The following NCKAP5 variants were observed in gnomAD, a reference collection of about 807,000 sequenced individuals.
NCKAP5 encodes the protein nck-associated protein 5.
A neutral mutation model predicts 167.0 loss-of-function variants in NCKAP5; 92 were observed. The observed-to-expected ratio is 0.55, with a 90% CI of 0.47 to 0.66. NCKAP5 has a LOEUF of 0.66. Ranked by LOEUF, NCKAP5 falls within the 30% of genes least tolerant of loss-of-function variation. NCKAP5 has a pLI of 0.00. For synonymous variants in NCKAP5, 891 were observed against 877.4 expected, an observed-to-expected ratio of 1.02 and a Z score of -0.27; for missense variants, 2,378 against 2,315.0, an observed-to-expected ratio of 1.03 and a Z score of -0.56.
intron 19 of NCKAP5, among the ~76,000 whole-genome samples, chr2:132,716,833 A>G (rs527442447): frequency 1.3e-4 from 20 of 152,322 alleles, no homozygotes; most frequent in Non-Finnish European, 2.1e-4. Context: ...TGCAACTTAA[A>G]TAATTAAATG....
At chr2:133,404,391 C>T (rs578145419) in intron 3 of NCKAP5, among the ~76,000 whole-genome samples, 14 of 152,234 alleles carry the variant, frequency 9.2e-5, no homozygotes, top group African/African-American at 3.1e-4. Context: ...GTACCGAGCC[C>T]TATATACATT....
chr2:132,748,879 G>A (rs71413521), intron 16 of NCKAP5, among the ~76,000 whole-genome samples: 18,022 of 151,884 alleles, frequency 0.12, 1,650 homozygotes, highest in East Asian at 0.45. Flanking sequence ...CGTCTCCTGG[G>A]TTCAAGCAAT....
At chr2:132,677,895 T>C (rs1684703443) in intron 19 of NCKAP5, among the ~76,000 whole-genome samples, 1 of 152,192 alleles carries the variant, frequency 6.6e-6, no homozygotes, top group Non-Finnish European at 1.5e-5. Context: ...CAGAGTCAGC[T>C]ATACTTTCCA....
At chr2:132,690,878 C>T (rs1686648159) in intron 19 of NCKAP5, among the ~76,000 whole-genome samples, 1 of 152,154 alleles carries the variant, frequency 6.6e-6, no homozygotes, top group Non-Finnish European at 1.5e-5. Context: ...TGTGCCCCTT[C>T]CCATCCATGG....
At chr2:133,326,938 A>ACTGTTG in intron 3 of NCKAP5, among the ~76,000 whole-genome samples, 1 of 152,136 alleles carries the variant, frequency 6.6e-6, no homozygotes, top group East Asian at 1.9e-4. Context: ...CATACTCGCA[A>ACTGTTG]CTGCTGCTGC....
chr2:132,983,229 G>A (rs1244140711), intron 7 of NCKAP5, among the ~76,000 whole-genome samples: 1 of 152,198 alleles, frequency 6.6e-6, no homozygotes, highest in African/African-American at 2.4e-5. Flanking sequence ...GTGTTTCCTA[G>A]GTACAGAAGC....
chr2:133,228,028 T>G (rs1255733640), intron 4 of NCKAP5, among the ~76,000 whole-genome samples: 1 of 152,180 alleles, frequency 6.6e-6, no homozygotes, highest in Non-Finnish European at 1.5e-5. Context: ...GGACTCTTGG[T>G]TTCTATTCCA....
rs1683792036 is a variant in NCKAP5 at position 132,671,825 on chromosome 2, G to C, written c.*1464C>G. 1 of 152,580 alleles carries C rather than the reference G, an allele frequency of 6.6e-6. No individual in the cohort carries two copies. Among genetic ancestry groups the C allele is most frequent in the Non-Finnish European group, 1.5e-5 (1 of 68,030 alleles). 9.5% of individuals were successfully genotyped at this position (152,580 alleles called of 1,614,324 possible). On this transcript the variant is annotated 3_prime_UTR_variant, in exon 20 of 20. Coordinates refer to ENST00000409261, the MANE Select transcript of NCKAP5 (RefSeq NM_207363.3). The stretch of plus-strand genomic sequence containing the variant: ...GCAAATGTGATATAACTTTTATTCA[G>C]AAAGGAAACAAAAAGATTTTTTAAA...
intron 3 of NCKAP5, among the ~76,000 whole-genome samples, chr2:133,433,055 A>G (rs1002591891): frequency 6.6e-6 from 1 of 152,206 alleles, no homozygotes; most frequent in African/African-American, 2.4e-5. Context: ...GGAAAACAGC[A>G]TAGCACCAGC....
chr2:132,835,171 T>C (rs1687802447), intron 11 of NCKAP5, among the ~76,000 whole-genome samples: 1 of 152,230 alleles, frequency 6.6e-6, no homozygotes, highest in Non-Finnish European at 1.5e-5. Flanking sequence ...ACCTATTTAA[T>C]TGTGGTATAT....
chr2:132,695,623 C>A (rs1482153005), intron 19 of NCKAP5, among the ~76,000 whole-genome samples: 1 of 152,120 alleles, frequency 6.6e-6, no homozygotes, highest in Non-Finnish European at 1.5e-5. Context: ...TTACTTTGAC[C>A]TTTGGTGGAT....
chr2:132,831,540 G>A lies in NCKAP5; in HGVS notation c.807+28952C>T, dbSNP rs1687523739. Reference sequence around the variant, plus strand: ...TTATTGGATATCTGCTATTTTCTCTGTGAATTGCTTCTACATAGTTTTTGA... The same window carrying A: ...TTATTGGATATCTGCTATTTTCTCTATGAATTGCTTCTACATAGTTTTTGA... On this transcript the variant is annotated intron_variant, in intron 11 of 19. Coordinates refer to ENST00000409261, the MANE Select transcript of NCKAP5 (RefSeq NM_207363.3). Among the ~76,000 whole-genome samples the A allele has an allele frequency of 1.3e-5, 2 of 151,886 alleles. 1 individual carries two copies. The highest frequency in any genetic ancestry group is 4.1e-4 in the South Asian group (2 of 4,820).
At chr2:133,016,362 A>C (rs2078334870) in intron 6 of NCKAP5, among the ~76,000 whole-genome samples, 1 of 152,060 alleles carries the variant, frequency 6.6e-6, no homozygotes, top group Non-Finnish European at 1.5e-5. Flanking sequence ...GAAAATAGAG[A>C]AGTTTCTATT....
the NCKAP5 span, among the ~76,000 whole-genome samples, chr2:133,667,953 C>G: frequency 6.6e-6 from 1 of 152,006 alleles, no homozygotes; most frequent in Admixed American, 6.5e-5. Flanking sequence ...TATCCCTTTT[C>G]CCAGCCTCTA....
Position 132,750,978 on chromosome 2 carries a change from T to G in NCKAP5, c.5129-18927A>C, listed in dbSNP as rs530435408. ...TAGGGCTTCAAAGGTTTGTGACAGC[T>G]ACATCTGCTTAAATGTGCAGGGGAA... On this transcript the variant is annotated intron_variant, in intron 16 of 19. Transcript: ENST00000409261. Among the ~76,000 whole-genome samples the G allele has an allele frequency of 2.0e-5, 3 of 152,332 alleles. No homozygotes were observed. The South Asian group carries it at 6.2e-4, about 32-fold the overall frequency.
intron 11 of NCKAP5, among the ~76,000 whole-genome samples, chr2:132,809,078 G>A (rs985201966): frequency 2.6e-5 from 4 of 152,106 alleles, no homozygotes; most frequent in African/African-American, 9.7e-5. Flanking sequence ...GCATGGTTTT[G>A]AAGGTTCCTT....
chr2:133,632,831 G>T, the NCKAP5 span, among the ~76,000 whole-genome samples: 1 of 152,216 alleles, frequency 6.6e-6, no homozygotes, highest in Non-Finnish European at 1.5e-5. Context: ...ACTGTGAAGA[G>T]GCCAAAAGTG....
chr2:132,867,675 T>C (rs2148751932), intron 10 of NCKAP5, among the ~76,000 whole-genome samples: 1 of 152,294 alleles, frequency 6.6e-6, no homozygotes, highest in East Asian at 1.9e-4. Flanking sequence ...GACCATGAAG[T>C]GACCTTGAAA....
At chr2:133,406,528 C>T (rs1420120418) in intron 3 of NCKAP5, among the ~76,000 whole-genome samples, 1 of 124,916 alleles carries the variant, frequency 8.0e-6, no homozygotes, top group Non-Finnish European at 1.6e-5. Flanking sequence ...CTGCCTCATT[C>T]ATTCTTGATG....
Sources: allele counts gnomAD v4.1 joint callset (sites outside exome capture counted in the v4.1 genomes callset), GRCh38; gene constraint gnomAD v4.1.1; transcripts MANE v1.5; gene names NCBI Gene and HGNC (gene_info 2026-07-23, HGNC 2026-07-21).